The following ATG16L1 variants were observed in gnomAD, a reference collection of about 807,000 sequenced individuals.
The protein encoded by ATG16L1 is autophagy-related protein 16-1.
Under a neutral mutation model 88.5 loss-of-function variants are expected in ATG16L1, and 37 were observed. The observed-to-expected ratio is 0.42, with a 90% confidence interval of 0.32 to 0.55. ATG16L1 has a LOEUF of 0.55. Among genes scored for constraint, ATG16L1 ranks in the 20% least tolerant of loss-of-function variants. ATG16L1 has a pLI of 0.13. For missense variants in ATG16L1, 554 were observed against 752.8 expected (o/e 0.74, Z 3.09); for synonymous variants, 301 against 281.0 (o/e 1.07, Z -0.71).
At chr2:233,259,385 C>T (rs1308102148) in intron 2 of ATG16L1, among the ~76,000 whole-genome samples, 1 of 152,094 alleles carries the variant, frequency 6.6e-6, no homozygotes, top group Admixed American at 6.5e-5. Flanking sequence ...TCACACAGGC[C>T]CAGTTGAAGG....
Position 233,277,606 on chromosome 2 carries a change from T to C in ATG16L1, c.993T>C (p.Ser331=), listed in dbSNP as rs770110090. The C allele has an allele frequency of 6.2e-7, 1 of 1,614,120 alleles. No individual in the cohort carries two copies. Among genetic ancestry groups the C allele is most frequent in the Non-Finnish European group, 8.5e-7 (1 of 1,179,966 alleles). ...GGGAAGTCAACGCTGTGCAGTTCAG[T>C]CCAGGTTCCCGGTTACTGGCCACTG... ...HDGEVNAVQF[S]PGSRLLATGG... Residue 331 remains serine, a synonymous_variant, in exon 10 of 18, where the codon AGT becomes AGC. Coordinates refer to ENST00000392017, the MANE Select transcript of ATG16L1 (RefSeq NM_030803.7).
At chr2:233,256,832 G>A (rs1294808713) in intron 2 of ATG16L1, among the ~76,000 whole-genome samples, 1 of 151,544 alleles carries the variant, frequency 6.6e-6, no homozygotes, top group Non-Finnish European at 1.5e-5. Flanking sequence ...CTCCCAAATA[G>A]CTGGGTCTAC....
At chr2:233,254,549 T>C (rs72974384) in intron 1 of ATG16L1, among the ~76,000 whole-genome samples, 2,877 of 152,262 alleles carry the variant, frequency 0.019, 66 homozygotes, top group Admixed American at 0.07. Context: ...CTTCCCTCCA[T>C]CTCCAGCCTT....
intron 5 of ATG16L1, among the ~76,000 whole-genome samples, chr2:233,267,454 T>A (rs1180403564): frequency 1.6e-5 from 2 of 122,620 alleles, no homozygotes; most frequent in Non-Finnish European, 4.0e-5. Context: ...CAATTTTGTA[T>A]ACTTTTTTAA....
At chr2:233,293,756 CCTT>C (rs575820780) in intron 17 of ATG16L1, among the ~76,000 whole-genome samples, 198 of 152,290 alleles carry the variant, frequency 1.3e-3, no homozygotes, top group African/African-American at 4.7e-3. Flanking sequence ...TCTCCACACA[CCTT>C]CTTTTATCTT....
chr2:233,273,048 G>T lies in ATG16L1; in HGVS notation c.790G>T (p.Ala264Ser), dbSNP rs770111022. 6.2e-7 allele frequency: 1 copy of T among 1,613,964 alleles called. No individual in the cohort carries two copies. The highest frequency in any genetic ancestry group is 8.5e-7 in the Non-Finnish European group (1 of 1,179,846). The change falls in exon 7 of 18, where the codon GCC becomes TCC. Residue 264 changes from alanine to serine, a missense_variant. By Grantham distance (99) the Ala-to-Ser change is moderately conservative. Around this residue, in one of 5 missense-constraint regions of ATG16L1, gnomAD observed 370 missense variants for 509.7 expected, o/e 0.73. Coordinates refer to ENST00000392017, the MANE Select transcript of ATG16L1 (RefSeq NM_030803.7). ...TSPVRAISRA[A>S]TKRLSQPAGG... is the part of the protein sequence containing the mutation. Reference sequence around the variant, plus strand: ...TCCTGTGCGAGCCATCAGCAGAGCAGCCACGTAAGTAGGCAGGTTTGGGCC... The same window carrying T: ...TCCTGTGCGAGCCATCAGCAGAGCATCCACGTAAGTAGGCAGGTTTGGGCC...
At chr2:233,277,822 G>A (rs1698476560) in intron 10 of ATG16L1, 149 bp downstream of exon 10, 3 of 668,166 alleles carry the variant, frequency 4.5e-6, no homozygotes, top group Admixed American at 2.4e-5. Context: ...TTTATGTAAG[G>A]GATCGTTTGA....
Position 233,274,793 on chromosome 2 carries a change from G to GC in ATG16L1, c.954+19dup. 3 of 1,588,028 alleles carry GC rather than the reference G, an allele frequency of 1.9e-6. No homozygotes were observed. Among genetic ancestry groups the GC allele is most frequent in the Non-Finnish European group, 1.7e-6 (2 of 1,156,954 alleles). ...TGTGTGTCTTCGTAAGTATGCTTCA[G>GC]CCCCGAACCCTACCACGCTTGATAT... On this transcript the variant is annotated intron_variant, in intron 9 of 17. Transcript: ENST00000392017.
intron 6 of ATG16L1, 94 bp from the exon 7 acceptor site, chr2:233,272,872 A>G: frequency 9.1e-7 from 1 of 1,101,012 alleles, no homozygotes; most frequent in Non-Finnish European, 1.4e-6. Flanking sequence ...CAAGTGGTTT[A>G]GGATCTAACT....
At position 233,281,104 on chromosome 2, in the gene ATG16L1, GA is replaced by G; in HGVS notation, c.1065del (p.Lys355AsnfsTer28). The G allele has an allele frequency of 6.3e-7, 1 of 1,589,314 alleles. No homozygotes were observed. Among genetic ancestry groups the G allele is most frequent in the South Asian group, 1.2e-5 (1 of 86,232 alleles). On this transcript the variant is annotated frameshift_variant and splice_region_variant, in exon 11 of 18. Coordinates refer to ENST00000392017, the MANE Select transcript of ATG16L1 (RefSeq NM_030803.7). LOFTEE classifies it high-confidence loss of function. The stretch of plus-strand genomic sequence containing the variant: ...CATCCTAATTTTTTCTTTTTATACA[GA>G]AAAATGTGAGTTCAAGGGTTCCCTA... Reference protein sequence around the residue: ...RRVKLWEVFGEKCEFKGSLSG... With the variant: ...RRVKLWEVFGXKCEFKGSLSG...
Position 233,294,288 on chromosome 2 carries a change from T to A in ATG16L1, c.1762T>A (p.Ser588Thr). 3 of 1,610,756 alleles carry A rather than the reference T, an allele frequency of 1.9e-6. No homozygotes were observed. Among genetic ancestry groups the A allele is most frequent in the South Asian group, 2.2e-5 (2 of 90,554 alleles). Residue 588 changes from serine to threonine, a missense_variant, in exon 18 of 18, where the codon TCT becomes ACT. Coordinates refer to ENST00000392017, the MANE Select transcript of ATG16L1 (RefSeq NM_030803.7). ...SSINAVAWSPSGSHVVSVDKG... is the reference protein window; with the variant it reads ...SSINAVAWSPTGSHVVSVDKG... Reference sequence around the variant, plus strand: ...CATCAATGCGGTGGCGTGGTCGCCCTCTGGCTCGCACGTTGTCAGTGTGGA... The same window carrying A: ...CATCAATGCGGTGGCGTGGTCGCCCACTGGCTCGCACGTTGTCAGTGTGGA...
chr2:233,262,296 C>T (rs1697266580), intron 2 of ATG16L1, among the ~76,000 whole-genome samples: 1 of 152,178 alleles, frequency 6.6e-6, no homozygotes, highest in African/African-American at 2.4e-5. Flanking sequence ...TTCACAGTAG[C>T]CTGCTGGCTG....
intron 6 of ATG16L1, among the ~76,000 whole-genome samples, chr2:233,271,231 C>T (rs976508108): frequency 4.6e-5 from 7 of 152,142 alleles, no homozygotes; most frequent in African/African-American, 7.2e-5. Flanking sequence ...AGGAAGGGGC[C>T]GAGGTAGGAT....
intron 10 of ATG16L1, among the ~76,000 whole-genome samples, chr2:233,278,027 T>C (rs1698489064): frequency 6.6e-6 from 1 of 152,242 alleles, no homozygotes; most frequent in Non-Finnish European, 1.5e-5. Context: ...ATAAGTCTTA[T>C]GATCATGGAT....
chr2:233,253,490 C>T (rs1266249099), intron 1 of ATG16L1, among the ~76,000 whole-genome samples: 1 of 151,734 alleles, frequency 6.6e-6, no homozygotes, highest in Non-Finnish European at 1.5e-5. Context: ...GAACTATAGG[C>T]AAGCACCGCC....
At chr2:233,291,864 C>G (rs530822055) in intron 14 of ATG16L1, among the ~76,000 whole-genome samples, 2 of 152,184 alleles carry the variant, frequency 1.3e-5, no homozygotes, top group African/African-American at 2.4e-5. Flanking sequence ...GATCAGAAAC[C>G]GATGGGCGAT....
rs1698908037 is a variant in ATG16L1 at position 233,284,036 on chromosome 2, A to G, written c.1203+1283A>G. Among the ~76,000 whole-genome samples, 3 of 138,990 alleles carry G rather than the reference A, an allele frequency of 2.2e-5. No homozygotes were observed. The South Asian group carries it at 6.9e-4, about 32-fold the overall frequency. The allele number at this position is 138,990 out of a possible 152,430, so 91.2% of individuals were successfully genotyped here. On this transcript the variant is annotated intron_variant, in intron 12 of 17. Coordinates refer to ENST00000392017, the MANE Select transcript of ATG16L1 (RefSeq NM_030803.7). ...ATTTTTGTATTTTTTTTTAGTAGAG[A>G]TGGGGTTTCACCATCTTGGACAGGC...
At chr2:233,292,554 G>A (rs1301655374) in intron 16 of ATG16L1, 120 bp downstream of exon 16, 4 of 1,210,464 alleles carry the variant, frequency 3.3e-6, no homozygotes, top group Non-Finnish European at 4.8e-6. Context: ...TTCCAGGAGT[G>A]TGCCTGTAAG....
chr2:233,256,059 G>A (rs771176672), intron 1 of ATG16L1, 43 bp from the exon 2 acceptor site: 14 of 1,515,958 alleles, frequency 9.2e-6, no homozygotes, highest in East Asian at 6.8e-5. Context: ...GTGTACATAC[G>A]TTGTAATAAA....
Sources: allele counts gnomAD v4.1 joint callset (sites outside exome capture counted in the v4.1 genomes callset), GRCh38; gene constraint gnomAD v4.1.1; regional missense constraint gnomAD v4.1.1; transcripts MANE v1.5; gene names NCBI Gene and HGNC (gene_info 2026-07-23, HGNC 2026-07-21).